The following DHTKD1 variants were observed in gnomAD, a reference collection of about 807,000 sequenced individuals.
The protein encoded by DHTKD1 is 2-oxoadipate dehydrogenase complex component E1.
DHTKD1 carries 78 observed loss-of-function variants against 101.8 expected under a neutral mutation model. The ratio of observed to expected loss-of-function variants is 0.77; its 90% CI spans 0.64 to 0.93. The LOEUF (loss-of-function observed/expected upper bound fraction) is 0.93. Among genes scored for constraint, DHTKD1 ranks in the 40% least tolerant of loss-of-function variants. The probability of loss-of-function intolerance (pLI) is 0.00; values close to 1 mark genes in which losing one functional copy is unlikely to be tolerated. For missense variants in DHTKD1, 1,223 were observed against 1,161.7 expected, an observed-to-expected ratio of 1.05 and a Z score of -0.77; for synonymous variants, 462 against 450.3, an observed-to-expected ratio of 1.03 and a Z score of -0.33.
rs1410489679 is a variant in DHTKD1, at chr10:12,121,809, A to T, written c.*921A>T. On this transcript the variant is annotated 3_prime_UTR_variant, in exon 17 of 17. Transcript: ENST00000263035. ...GTGTTATGGATTTTAGCTCTGAGTG[A>T]GCTGGAAAACTAGGTCATTATCTAG... 1.3e-5 allele frequency: 2 copies of T among 152,184 alleles called. No individual in the cohort carries two copies. The highest frequency in any genetic ancestry group is 1.3e-4 in the Admixed American group (2 of 15,270). 9.4% of individuals were successfully genotyped at this position (152,184 alleles called of 1,614,324 possible). A position where few individuals can be genotyped will look rare whatever the true frequency, so the allele number is the denominator to read the frequency against.
In DHTKD1 at chr10:12,091,676, G is replaced by A. The variant is rs760825787; in HGVS notation, c.1151G>A (p.Ser384Asn). Reference protein sequence around the residue: ...AERGRSSLYCSDIGKLVGCAI... With the variant: ...AERGRSSLYCNDIGKLVGCAI... ...AGAGGAAGGTCTTCTTTATACTGCA[G>A]TGATATTGGTACGTAACACAGGGAG... Residue 384 changes from serine (S) to asparagine (N), a missense_variant, in exon 6 of 17, where the codon AGT (serine) becomes AAT (asparagine). Coordinates refer to ENST00000263035, the MANE Select transcript of DHTKD1 (RefSeq NM_018706.7). The A allele has an allele frequency of 6.2e-7, 1 of 1,613,640 alleles. No homozygotes were observed. Among genetic ancestry groups the A allele is most frequent in the African/African-American group, 1.3e-5 (1 of 75,004 alleles).
intron 2 of DHTKD1, among the ~76,000 whole-genome samples, chr10:12,082,417 A>G (rs72779618): frequency 0.17 from 26,156 of 151,974 alleles, 2,800 homozygotes; most frequent in African/African-American, 0.31. Flanking sequence ...GTCCTACCTC[A>G]TGTTACTTTT....
chr10:12,106,323 GC>G lies in DHTKD1; in HGVS notation c.1978del (p.Leu660CysfsTer54). 1 of 1,614,122 alleles carries G rather than the reference GC, an allele frequency of 6.2e-7. No individual in the cohort carries two copies. Among genetic ancestry groups the G allele is most frequent in the South Asian group, 1.1e-5 (1 of 91,078 alleles). The stretch of plus-strand genomic sequence containing the variant: ...TGAGCATTGAGAGCCCAAAGTTACT[GC>G]CCCTGTGGGAGGCACAGTTTGGCGA... ...GMSIESPKLL[P>X]LWEAQFGDFF... On this transcript the variant is annotated frameshift_variant, in exon 11 of 17. Transcript: ENST00000263035. LOFTEE classifies it high-confidence loss of function.
At chr10:12,119,771 C>A (rs1478838857) in intron 15 of DHTKD1, among the ~76,000 whole-genome samples, 1 of 151,990 alleles carries the variant, frequency 6.6e-6, no homozygotes, top group African/African-American at 2.4e-5. Flanking sequence ...CTCCGTGGCA[C>A]ACATTTACCT....
In DHTKD1 at chr10:12,107,934, C is replaced by T. The variant is rs775272861; in HGVS notation, c.2073C>T (p.Ser691=). The change falls in exon 12 of 17, where the codon AGC becomes AGT. Residue 691 remains serine, a synonymous_variant. Coordinates refer to ENST00000263035, the MANE Select transcript of DHTKD1 (RefSeq NM_018706.7). The surrounding 1 kb of genome is among the most constrained non-coding windows in gnomAD (Gnocchi z 4.1). Reference sequence around the variant, plus strand: ...GAGAGGCCAAGTGGCTCCTACAAAGCGGCATCGTCATCCTCCTTCCACATG... The same window carrying T: ...GAGAGGCCAAGTGGCTCCTACAAAGTGGCATCGTCATCCTCCTTCCACATG... ...SGGEAKWLLQ[S]GIVILLPHGY... 4 of 1,613,738 alleles carry T rather than the reference C, an allele frequency of 2.5e-6. No individual in the cohort carries two copies. The highest frequency in any genetic ancestry group is 1.1e-5 in the South Asian group (1 of 91,076).
At chr10:12,112,500 G>GCACACACACA (rs141598482) in intron 12 of DHTKD1, among the ~76,000 whole-genome samples, 20 of 151,026 alleles carry the variant, frequency 1.3e-4, no homozygotes, top group African/African-American at 4.6e-4. Flanking sequence ...AAGCACGCGT[G>GCACACACACA]CACACACACA....
At chr10:12,098,596 A>T (rs1476866735) in intron 8 of DHTKD1, among the ~76,000 whole-genome samples, 1 of 152,014 alleles carries the variant, frequency 6.6e-6, no homozygotes, top group Non-Finnish European at 1.5e-5. Context: ...ATGGAATCTC[A>T]CTCTGTCACC....
chr10:12,095,321 A>G (rs1263133181), intron 7 of DHTKD1, among the ~76,000 whole-genome samples: 6 of 152,216 alleles, frequency 3.9e-5, no homozygotes, highest in Non-Finnish European at 2.9e-5. Context: ...ACCCAAAATA[A>G]TATTTTTAAA....
At chr10:12,079,116 T>G (rs908979269) in intron 1 of DHTKD1, among the ~76,000 whole-genome samples, 1 of 152,126 alleles carries the variant, frequency 6.6e-6, no homozygotes, top group Non-Finnish European at 1.5e-5. Context: ...AGATATGGGA[T>G]CTTGCTCTCT....
intron 15 of DHTKD1, among the ~76,000 whole-genome samples, chr10:12,119,795 G>A (rs1833495855): frequency 6.6e-6 from 1 of 152,004 alleles, no homozygotes; most frequent in South Asian, 2.1e-4. Flanking sequence ...TAACAAACCT[G>A]CACATCCTGC....
intron 12 of DHTKD1, among the ~76,000 whole-genome samples, chr10:12,109,518 A>G (rs1211197396): frequency 6.6e-6 from 1 of 151,484 alleles, no homozygotes; most frequent in Non-Finnish European, 1.5e-5. Flanking sequence ...AGCAGCGAGC[A>G]CAGTGGAGGA....
At chr10:12,100,917 A>G (rs1321285539) in intron 9 of DHTKD1, 125 bp from the exon 10 acceptor site, 1 of 937,822 alleles carries the variant, frequency 1.1e-6, no homozygotes, top group Non-Finnish European at 1.6e-6. Context: ...AGCATATATT[A>G]ATAACTATCT....
Position 12,099,854 on chromosome 10 carries a change from T to A in DHTKD1, c.1672-324T>A, listed in dbSNP as rs990932071. 2.7e-5 allele frequency among the ~76,000 whole-genome samples: 4 copies of A among 145,722 alleles called. No homozygotes were observed. In the East Asian group the frequency reaches 8.1e-4, roughly 29 times the overall value. ...CTCTGTCGCCCAGGCTGTAGTGTAG[T>A]GGAGCCATCTCAGCTCACTGCAACC... On this transcript the variant is annotated intron_variant, in intron 8 of 16. Transcript: ENST00000263035.
In DHTKD1 at chr10:12,097,837, C is replaced by A. The variant is rs1027831133; in HGVS notation, c.1512C>A (p.Asn504Lys). Residue 504 changes from asparagine (N) to lysine (K), a missense_variant, in exon 8 of 17, where the codon AAC becomes AAA. Coordinates refer to ENST00000263035, the MANE Select transcript of DHTKD1 (RefSeq NM_018706.7). ...NMAHYRPPALNLQAHWQGLAQ... is the reference protein window; with the variant it reads ...NMAHYRPPALKLQAHWQGLAQ... ...CCCACTACAGGCCCCCTGCCCTGAA[C>A]CTGCAGGCCCACTGGCAGGGCCTGG... is the stretch of plus-strand genomic sequence containing the variant. 1 of 1,614,126 alleles carries A rather than the reference C, an allele frequency of 6.2e-7. No homozygotes were observed. Among genetic ancestry groups the A allele is most frequent in the African/African-American group, 1.3e-5 (1 of 74,948 alleles).
At chr10:12,099,981 A>C (rs1366858323) in intron 8 of DHTKD1, among the ~76,000 whole-genome samples, 197 bp from the exon 9 acceptor site, 1 of 151,840 alleles carries the variant, frequency 6.6e-6, no homozygotes, top group Admixed American at 6.6e-5. Context: ...TTTTTAGTAG[A>C]GATGGAGTTT....
chr10:12,096,030 G>T lies in DHTKD1; in HGVS notation c.1359-1654G>T, dbSNP rs577824189. 8.6e-5 allele frequency among the ~76,000 whole-genome samples: 13 copies of T among 151,942 alleles called. No individual in the cohort carries two copies. In the South Asian group the frequency reaches 1.9e-3, roughly 22 times the overall value. The stretch of plus-strand genomic sequence containing the variant: ...TCTCAAAGAAAAAACAAGAAGAAAA[G>T]AAATTAATTTCACCTGTTTCTTTTT... On this transcript the variant is annotated intron_variant, in intron 7 of 16. Coordinates refer to ENST00000263035, the MANE Select transcript of DHTKD1 (RefSeq NM_018706.7).
chr10:12,100,957 G>C, intron 9 of DHTKD1, 85 bp from the exon 10 acceptor site: 2 of 1,383,070 alleles, frequency 1.4e-6, no homozygotes, highest in South Asian at 1.3e-5. Flanking sequence ...TCAGGATTAA[G>C]CCAGTATATA....
chr10:12,071,596 C>A (rs910637178), intron 1 of DHTKD1, among the ~76,000 whole-genome samples: 2 of 151,660 alleles, frequency 1.3e-5, no homozygotes, highest in Non-Finnish European at 2.9e-5. Context: ...ATGGTGAAAC[C>A]TCGTCTCTAG....
chr10:12,087,742 G>A lies in DHTKD1; in HGVS notation c.717+13G>A, dbSNP rs778027470. 3.6e-5 allele frequency: 56 copies of A among 1,568,846 alleles called. No homozygotes were observed. The highest frequency in any genetic ancestry group is 5.9e-5 in the South Asian group (5 of 84,318). On this transcript the variant is annotated intron_variant, in intron 4 of 16. Transcript: ENST00000263035. The surrounding 1 kb of genome is among the most constrained non-coding windows in gnomAD (Gnocchi z 5.2). ...GTTCCCTCCAGAGGTAAGGTTACTC[G>A]CTGTGTTTCTCAGTAGCACTATATG...
Sources: gnomAD v4.1 joint callset for allele counts (sites outside exome capture counted in the v4.1 genomes callset) on GRCh38, gnomAD v4.1.1 for gene constraint, Gnocchi (gnomAD v3.1) non-coding constraint, MANE v1.5 for transcripts, NCBI Gene and HGNC (gene_info 2026-07-23, HGNC 2026-07-21) for gene names.